Variants in ITPKB observed in about 807,000 individuals in gnomAD.
The protein encoded by ITPKB is inositol-trisphosphate 3-kinase B, also known as IP3 3-kinase B.
A neutral mutation model predicts 69.4 loss-of-function variants in ITPKB; 13 were observed. That is an observed-to-expected ratio of 0.19 (90% CI 0.12 to 0.30). The LOEUF is 0.30. Among genes scored for constraint, ITPKB ranks in the 10% least tolerant of loss-of-function variants. The probability of loss-of-function intolerance (pLI) is 1.00; values close to 1 mark genes in which losing one functional copy is unlikely to be tolerated. For synonymous variants in ITPKB, 584 were observed against 513.7 expected (o/e 1.14, Z -1.85); for missense variants, 1,240 against 1,250.5 (o/e 0.99, Z 0.13).
At chr1:226,731,510 T>TA (rs2102650322) in intron 2 of ITPKB, among the ~76,000 whole-genome samples, 1 of 152,334 alleles carries the variant, frequency 6.6e-6, no homozygotes, top group African/African-American at 2.4e-5. Flanking sequence ...GATACCCTAA[T>TA]ACAAACACTA....
At chr1:226,710,426 A>G (rs1656918114) in intron 2 of ITPKB, among the ~76,000 whole-genome samples, 1 of 152,210 alleles carries the variant, frequency 6.6e-6, no homozygotes, top group African/African-American at 2.4e-5. Flanking sequence ...ACGTACTAAA[A>G]TAAACCGTTT....
At chr1:226,653,445 CG>C (rs1184496587) in intron 2 of ITPKB, among the ~76,000 whole-genome samples, 1 of 152,228 alleles carries the variant, frequency 6.6e-6, no homozygotes, top group Non-Finnish European at 1.5e-5. Context: ...CTGGCTGCTC[CG>C]TTAGCAGAGG....
chr1:226,734,693 A>T (rs1388418446), intron 2 of ITPKB, among the ~76,000 whole-genome samples: 2 of 152,246 alleles, frequency 1.3e-5, no homozygotes, highest in Non-Finnish European at 2.9e-5. Context: ...ACCATGTAAT[A>T]GAAATAAACT....
chr1:226,678,257 A>T (rs1443961976), intron 2 of ITPKB, among the ~76,000 whole-genome samples: 1 of 152,268 alleles, frequency 6.6e-6, no homozygotes, highest in African/African-American at 2.4e-5. Context: ...TGGTTATTAA[A>T]TATGATAAAT....
intron 4 of ITPKB, among the ~76,000 whole-genome samples, chr1:226,644,126 CA>C (rs1669017392): frequency 6.6e-6 from 1 of 152,264 alleles, no homozygotes; most frequent in Non-Finnish European, 1.5e-5. Flanking sequence ...AATCCCTTTT[CA>C]CATGGCCTTT....
intron 2 of ITPKB, among the ~76,000 whole-genome samples, chr1:226,649,992 G>A (rs1223493032): frequency 6.6e-6 from 1 of 152,214 alleles, no homozygotes; most frequent in Non-Finnish European, 1.5e-5. Context: ...AGCATTGTGA[G>A]TTCCTGAGAA....
At chr1:226,669,912 C>G (rs910231489) in intron 2 of ITPKB, among the ~76,000 whole-genome samples, 1 of 149,478 alleles carries the variant, frequency 6.7e-6, no homozygotes, top group East Asian at 1.9e-4. Flanking sequence ...CTCGAACTGT[C>G]GCCCAGGCTG....
chr1:226,648,031 A>ACAGTGCTTC (rs1286787197), intron 3 of ITPKB, among the ~76,000 whole-genome samples: 2 of 152,200 alleles, frequency 1.3e-5, no homozygotes, highest in African/African-American at 4.8e-5. Context: ...TCTCCAGATG[A>ACAGTGCTTC]CAGTGCTTCC....
In ITPKB at chr1:226,737,059, A is replaced by T; in HGVS notation, c.400T>A (p.Leu134Met). 6.2e-7 allele frequency: 1 copy of T among 1,611,746 alleles called. No individual in the cohort carries two copies. The highest frequency in any genetic ancestry group is 8.5e-7 in the Non-Finnish European group (1 of 1,179,930). The change falls in exon 2 of 8, where the codon TTG (leucine) becomes ATG (methionine). Residue 134 changes from leucine to methionine, a missense_variant. Leu to Met is a conservative substitution (Grantham distance 15). Coordinates refer to ENST00000429204, the MANE Select transcript of ITPKB (RefSeq NM_002221.4). Reference sequence around the variant, plus strand: ...TGCACGTTCTGCAACTCGCGCTGCAAGATCCGCAGCTTCCTCTTGGCCTCC... The same window carrying T: ...TGCACGTTCTGCAACTCGCGCTGCATGATCCGCAGCTTCCTCTTGGCCTCC... ...PEEAKRKLRI[L>M]QRELQNVQVN...
intron 2 of ITPKB, among the ~76,000 whole-genome samples, chr1:226,677,387 T>TG (rs1440490086): frequency 6.6e-6 from 1 of 152,106 alleles, no homozygotes; most frequent in African/African-American, 2.4e-5. Context: ...GAGGTGTGTG[T>TG]GCAGAGGGGG....
At chr1:226,693,136 C>T (rs1656397582) in intron 2 of ITPKB, among the ~76,000 whole-genome samples, 1 of 152,220 alleles carries the variant, frequency 6.6e-6, no homozygotes, top group Non-Finnish European at 1.5e-5. Flanking sequence ...TTACAAGAGC[C>T]ACTTCTGGTC....
intron 2 of ITPKB, among the ~76,000 whole-genome samples, chr1:226,700,972 C>T (rs574944304): frequency 1.3e-5 from 2 of 152,340 alleles, no homozygotes; most frequent in South Asian, 2.1e-4. Flanking sequence ...TAGAGCACTA[C>T]ATGGAGCACA....
chr1:226,688,821 G>A (rs1156548598), intron 2 of ITPKB, among the ~76,000 whole-genome samples: 2 of 152,226 alleles, frequency 1.3e-5, no homozygotes, highest in Admixed American at 6.5e-5. Context: ...AGACAGATGG[G>A]TAGGGATAGG....
rs762235303 is a variant in ITPKB, at chr1:226,634,642, A to T, written c.*29T>A. The T allele has an allele frequency of 7.8e-6, 6 of 767,126 alleles. No homozygotes were observed. The highest frequency in any genetic ancestry group is 7.3e-6 in the Non-Finnish European group (3 of 409,182). The allele number at this position is 767,126 out of a possible 1,614,324, so 47.5% of individuals were successfully genotyped here. On this transcript the variant is annotated 3_prime_UTR_variant, in exon 8 of 8. Coordinates refer to ENST00000429204, the MANE Select transcript of ITPKB (RefSeq NM_002221.4). The surrounding 1 kb of genome is among the most constrained non-coding windows in gnomAD (Gnocchi z 6.3). The stretch of plus-strand genomic sequence containing the variant: ...AGCACAGGAGGAGGAAAGGAGGCCC[A>T]GGCGGGGGCCAGGGAGGGCGTGGGC...
chr1:226,667,871 G>A (rs1345202833), intron 2 of ITPKB, among the ~76,000 whole-genome samples: 1 of 129,698 alleles, frequency 7.7e-6, no homozygotes, highest in Non-Finnish European at 1.7e-5. Context: ...CGCGTGCGAA[G>A]TGGAGGTTGG....
chr1:226,679,944 G>C (rs557530504), intron 2 of ITPKB, among the ~76,000 whole-genome samples: 1 of 152,114 alleles, frequency 6.6e-6, no homozygotes, highest in Non-Finnish European at 1.5e-5. Flanking sequence ...GCCAGGCGGA[G>C]AGGGCAGGGA....
chr1:226,708,049 T>G, intron 2 of ITPKB: 1 of 317,134 alleles, frequency 3.2e-6, no homozygotes, highest in East Asian at 1.1e-4. Context: ...AGCTCAAAGT[T>G]CACACTCAGG....
In ITPKB at chr1:226,735,889, T is replaced by C; in HGVS notation, c.1570A>G (p.Thr524Ala). ...EKAGLAWTRG[T>A]GVQSEGTWES... ...CAAGTCCCCTCTGATTGCACCCCTG[T>C]GCCACGCGTCCAAGCCAAACCGGCT... is the stretch of plus-strand genomic sequence containing the variant. The change falls in exon 2 of 8, where the codon ACA becomes GCA. Residue 524 changes from threonine to alanine, a missense_variant. Physicochemically the swap from Thr to Ala is moderately conservative, Grantham distance 58. Coordinates refer to ENST00000429204, the MANE Select transcript of ITPKB (RefSeq NM_002221.4). 1 of 1,612,548 alleles carries C rather than the reference T, an allele frequency of 6.2e-7. No individual in the cohort carries two copies. Among genetic ancestry groups the C allele is most frequent in the Non-Finnish European group, 8.5e-7 (1 of 1,178,802 alleles).
chr1:226,681,850 C>T (rs982818073), intron 2 of ITPKB, among the ~76,000 whole-genome samples: 41 of 152,186 alleles, frequency 2.7e-4, no homozygotes, highest in African/African-American at 8.9e-4. Flanking sequence ...TGCCTGTACT[C>T]CAGCATCTGT....
Sources: gnomAD v4.1 joint callset for allele counts (sites outside exome capture counted in the v4.1 genomes callset) on GRCh38, gnomAD v4.1.1 for gene constraint, Gnocchi (gnomAD v3.1) non-coding constraint, MANE v1.5 for transcripts, NCBI Gene and HGNC (gene_info 2026-07-23, HGNC 2026-07-21) for gene names.